Variants in PTPRR observed in about 807,000 individuals in gnomAD.
PTPRR encodes the protein protein tyrosine phosphatase receptor type R.
In PTPRR, 38 loss-of-function variants were observed where a neutral mutation model predicts 77.2. The ratio of observed to expected loss-of-function variants is 0.49; its 90% CI spans 0.38 to 0.65. PTPRR has a LOEUF of 0.65. Among genes scored for constraint, PTPRR ranks in the 30% least tolerant of loss-of-function variants. PTPRR has a pLI of 0.00. For synonymous variants in PTPRR, 299 were observed against 283.1 expected (o/e 1.06, Z -0.57); for missense variants, 744 against 799.2 (o/e 0.93, Z 0.83).
At chr12:70,699,229 T>G (rs570409352) in intron 7 of PTPRR, among the ~76,000 whole-genome samples, 51 of 152,350 alleles carry the variant, frequency 3.3e-4, no homozygotes, top group African/African-American at 8.9e-4. Flanking sequence ...TAATGACTGA[T>G]AAACATTAAA....
intron 1 of PTPRR, among the ~76,000 whole-genome samples, chr12:70,909,659 T>C (rs779505735): frequency 5.3e-5 from 8 of 152,192 alleles, no homozygotes; most frequent in Non-Finnish European, 1.0e-4. Context: ...TTGTAGGATA[T>C]CAAACTTTCC....
At chr12:70,673,430 T>C (rs1490266914) in intron 10 of PTPRR, among the ~76,000 whole-genome samples, 3 of 152,246 alleles carry the variant, frequency 2.0e-5, no homozygotes, top group Non-Finnish European at 4.4e-5. Context: ...CAATGTATTC[T>C]GTAATCCTTG....
Position 70,662,499 on chromosome 12 carries a change from A to G in PTPRR, c.1604T>C (p.Leu535Ser), listed in dbSNP as rs1423478620. ...CDNYTIRNLVLKQGSHTQHVK... is the reference protein window; with the variant it reads ...CDNYTIRNLVSKQGSHTQHVK... ...GCTATAGCTACATAATCTTACCTTT[A>G]AGACAAGGTTTCGAATGGTGTAGTT... is the stretch of plus-strand genomic sequence containing the variant. The change falls in exon 11 of 14, where the codon TTA becomes TCA. Residue 535 changes from leucine (L) to serine (S), a missense_variant. Leu to Ser is a moderately radical substitution (Grantham distance 145). Around this residue, in one of 3 missense-constraint regions of PTPRR, gnomAD observed 170 missense variants for 209.8 expected, o/e 0.81. Transcript: ENST00000283228. 1 of 1,580,176 alleles carries G rather than the reference A, an allele frequency of 6.3e-7. No homozygotes were observed. The highest frequency in any genetic ancestry group is 1.3e-5 in the African/African-American group (1 of 74,258).
intron 10 of PTPRR, among the ~76,000 whole-genome samples, chr12:70,675,391 C>T (rs184813391): frequency 6.3e-4 from 96 of 151,658 alleles, no homozygotes; most frequent in African/African-American, 2.1e-3. Context: ...GGTTTATTTT[C>T]GAAATTCTGT....
intron 2 of PTPRR, among the ~76,000 whole-genome samples, chr12:70,765,181 C>T (rs529867806): frequency 7.8e-4 from 118 of 152,156 alleles, no homozygotes; most frequent in Admixed American, 2.8e-3. Context: ...TGCAGTGCAC[C>T]GTGCACGAGC....
In PTPRR at chr12:70,661,013, G is replaced by A; in HGVS notation, c.1693C>T (p.Leu565=). ...HKTPDSAQPL[L]QLMLDVEEDR... ...TCTTCTACATCCAGCATGAGCTGTAGGAGGGGCTGGGCACTGTCTGGAGTC... is the reference window on the plus strand; with the variant it reads ...TCTTCTACATCCAGCATGAGCTGTAAGAGGGGCTGGGCACTGTCTGGAGTC... The change falls in exon 12 of 14, where the codon CTA becomes TTA. Residue 565 remains leucine (L), a synonymous_variant. Coordinates refer to ENST00000283228, the MANE Select transcript of PTPRR (RefSeq NM_002849.4). 6.2e-7 allele frequency: 1 copy of A among 1,613,710 alleles called. No homozygotes were observed. Among genetic ancestry groups the A allele is most frequent in the East Asian group, 2.2e-5 (1 of 44,870 alleles).
At chr12:70,734,561 G>A (rs1889797555) in intron 6 of PTPRR, among the ~76,000 whole-genome samples, 1 of 152,148 alleles carries the variant, frequency 6.6e-6, no homozygotes, top group African/African-American at 2.4e-5. Context: ...ACCTCAGGGT[G>A]AAGCAGCCTG....
chr12:70,756,134 T>G (rs1170943394), intron 4 of PTPRR, among the ~76,000 whole-genome samples: 2 of 148,518 alleles, frequency 1.3e-5, no homozygotes, highest in African/African-American at 5.2e-5. Context: ...TTTGGTTCAT[T>G]TTTTTTTCTT....
chr12:70,789,629 C>G (rs1218694668), intron 2 of PTPRR, among the ~76,000 whole-genome samples: 1 of 151,576 alleles, frequency 6.6e-6, no homozygotes, highest in Non-Finnish European at 1.5e-5. Context: ...AATATTTTGT[C>G]TAAAAATAGA....
intron 2 of PTPRR, among the ~76,000 whole-genome samples, chr12:70,841,463 A>G (rs1452516008): frequency 6.6e-6 from 1 of 152,080 alleles, no homozygotes; most frequent in East Asian, 1.9e-4. Context: ...TTTTCCAGAA[A>G]TGAATGGTTA....
chr12:70,819,040 G>T (rs532537865), intron 2 of PTPRR, among the ~76,000 whole-genome samples: 6 of 152,304 alleles, frequency 3.9e-5, no homozygotes, highest in African/African-American at 1.2e-4. Flanking sequence ...TAAAGAGAAG[G>T]TCAGGTGTGG....
chr12:70,812,575 G>A (rs1022242), intron 2 of PTPRR, among the ~76,000 whole-genome samples: 100,346 of 152,066 alleles, frequency 0.66, 36,273 homozygotes, highest in South Asian at 0.83. Flanking sequence ...CCTAACCCAC[G>A]TTTCCCATCT....
chr12:70,832,949 G>A (rs1428490427), intron 2 of PTPRR, among the ~76,000 whole-genome samples: 1 of 152,056 alleles, frequency 6.6e-6, no homozygotes, highest in Non-Finnish European at 1.5e-5. Context: ...CTAACACAAG[G>A]TTCCTGTTCC....
At position 70,725,700 on chromosome 12, in the gene PTPRR, G is replaced by T. The variant is rs188488651; in HGVS notation, c.1007+20118C>A. Among the ~76,000 whole-genome samples the T allele has an allele frequency of 3.9e-3, 599 of 152,032 alleles. 22 individuals carry two copies. The highest frequency in any genetic ancestry group is 0.038 in the Admixed American group (585 of 15,276). ...ATAGAACAGAGAAAATGGGGGAAAA[G>T]AATTAAAAAAAATTAGAATTGGTTA... On this transcript the variant is annotated intron_variant, in intron 6 of 13. Coordinates refer to ENST00000283228, the MANE Select transcript of PTPRR (RefSeq NM_002849.4).
At chr12:70,689,487 CCTTAT>C (rs1221070749) in intron 8 of PTPRR, among the ~76,000 whole-genome samples, 1 of 152,088 alleles carries the variant, frequency 6.6e-6, no homozygotes, top group African/African-American at 2.4e-5. Flanking sequence ...CTTTTTGTTA[CCTTAT>C]CTTTTTCCTC....
At chr12:70,639,620 T>C in intron 13 of PTPRR, 1 of 563,014 alleles carries the variant, frequency 1.8e-6, no homozygotes, top group Non-Finnish European at 2.3e-6. Flanking sequence ...AATTCTTAGC[T>C]GTATGCATCT....
chr12:70,832,440 G>T (rs1313046968), intron 2 of PTPRR, among the ~76,000 whole-genome samples: 1 of 152,138 alleles, frequency 6.6e-6, no homozygotes, highest in Admixed American at 6.6e-5. Context: ...GGCATTTCAG[G>T]TAAAGGGAAC....
At chr12:70,671,492 G>A (rs1431856256) in intron 10 of PTPRR, among the ~76,000 whole-genome samples, 13 of 151,940 alleles carry the variant, frequency 8.6e-5, no homozygotes, top group Non-Finnish European at 1.5e-4. Context: ...ATTGTAACAC[G>A]CAAACAAAAA....
chr12:70,749,274 C>G (rs561933098), intron 5 of PTPRR, among the ~76,000 whole-genome samples: 1 of 152,214 alleles, frequency 6.6e-6, no homozygotes, highest in East Asian at 1.9e-4. Flanking sequence ...GAATTTTTAC[C>G]ACTTTCTACT....
Sources: allele counts gnomAD v4.1 joint callset (sites outside exome capture counted in the v4.1 genomes callset), GRCh38; gene constraint gnomAD v4.1.1; regional missense constraint gnomAD v4.1.1; transcripts MANE v1.5; gene names NCBI Gene and HGNC (gene_info 2026-07-23, HGNC 2026-07-21).